NELL1: variants seen among roughly 807,000 people sequenced by gnomAD.
NELL1 encodes the protein neural EGFL like 1.
In NELL1, 76 loss-of-function variants were observed where a neutral mutation model predicts 107.4. That is an observed-to-expected ratio of 0.71 (90% CI 0.59 to 0.86). NELL1 has a LOEUF of 0.86. NELL1 is among the 40% of genes least tolerant of loss of function. The probability of loss-of-function intolerance (pLI) is 0.00; values close to 1 mark genes in which losing one functional copy is unlikely to be tolerated. For synonymous variants in NELL1, 353 were observed against 341.2 expected (o/e 1.03, Z -0.38); for missense variants, 1,024 against 1,005.5 (o/e 1.02, Z -0.25).
chr11:20,910,911 T>A (rs951141793), intron 5 of NELL1, among the ~76,000 whole-genome samples: 1 of 152,022 alleles, frequency 6.6e-6, no homozygotes, highest in African/African-American at 2.4e-5. Flanking sequence ...AACTTGCACA[T>A]AGTACATTTG....
At chr11:21,542,897 A>G (rs1168190849) in intron 16 of NELL1, among the ~76,000 whole-genome samples, 3 of 152,118 alleles carry the variant, frequency 2.0e-5, no homozygotes, top group Admixed American at 2.0e-4. Flanking sequence ...GTTCATAAAT[A>G]TCCTGGCAGT....
At chr11:20,805,496 G>A (rs1240430461) in intron 3 of NELL1, among the ~76,000 whole-genome samples, 2 of 151,950 alleles carry the variant, frequency 1.3e-5, no homozygotes, top group African/African-American at 2.4e-5. Flanking sequence ...TGCAAATAAT[G>A]TCTTATAACC....
intron 12 of NELL1, among the ~76,000 whole-genome samples, chr11:21,084,184 A>G (rs535616516): frequency 5.3e-5 from 8 of 152,188 alleles, no homozygotes; most frequent in Non-Finnish European, 1.0e-4. Flanking sequence ...GTTGCAGATA[A>G]TAGTGATGCT....
chr11:21,416,775 T>A (rs532151834), intron 15 of NELL1, among the ~76,000 whole-genome samples: 3,058 of 152,194 alleles, frequency 0.02, 40 homozygotes, highest in Non-Finnish European at 0.033. Flanking sequence ...AAGCAACTTA[T>A]GGGCAGCTTG....
At chr11:21,519,634 G>A (rs1855668344) in intron 15 of NELL1, among the ~76,000 whole-genome samples, 1 of 151,832 alleles carries the variant, frequency 6.6e-6, no homozygotes, top group Admixed American at 6.6e-5. Flanking sequence ...GAGGTGGAAG[G>A]TGTATCACTC....
intron 8 of NELL1, 152 bp downstream of exon 8, chr11:20,927,594 A>G: frequency 1.5e-6 from 1 of 677,596 alleles, no homozygotes; most frequent in Non-Finnish European, 2.4e-6. Flanking sequence ...GCAATTGTGA[A>G]GCAATGCTGG....
chr11:21,388,228 C>T (rs1851791147), intron 15 of NELL1, among the ~76,000 whole-genome samples: 1 of 151,734 alleles, frequency 6.6e-6, no homozygotes, highest in South Asian at 2.1e-4. Flanking sequence ...CAGGGCATTT[C>T]TACATCGGGG....
intron 2 of NELL1, among the ~76,000 whole-genome samples, chr11:20,730,260 G>A (rs1314708224): frequency 2.0e-5 from 3 of 152,128 alleles, no homozygotes; most frequent in South Asian, 2.1e-4. Flanking sequence ...TATTGTGCTT[G>A]TCTAAGAGAC....
chr11:21,043,004 G>A (rs1468375744), intron 12 of NELL1, among the ~76,000 whole-genome samples: 1 of 152,058 alleles, frequency 6.6e-6, no homozygotes, highest in African/African-American at 2.4e-5. Context: ...GCATCTTCTG[G>A]AATTGCAATA....
chr11:21,447,619 T>C (rs1853466718), intron 15 of NELL1, among the ~76,000 whole-genome samples: 1 of 152,090 alleles, frequency 6.6e-6, no homozygotes, highest in South Asian at 2.1e-4. Flanking sequence ...CCCTCTCCTC[T>C]CCTCTAGTAG....
At chr11:21,362,614 G>A (rs1258613151) in intron 14 of NELL1, among the ~76,000 whole-genome samples, 1 of 152,172 alleles carries the variant, frequency 6.6e-6, no homozygotes, top group Non-Finnish European at 1.5e-5. Context: ...GGAGTTGGTT[G>A]GCCTCCAGCC....
In NELL1 at chr11:20,915,468, G is replaced by A. The variant is rs546675790; in HGVS notation, c.604-2714G>A. ...TGATTCTCAGGAACTTGAAGTTTGA[G>A]AAACACTGCCAAAATGAATAATATG... On this transcript the variant is annotated intron_variant, in intron 5 of 19. Coordinates refer to ENST00000357134, the MANE Select transcript of NELL1 (RefSeq NM_006157.5). Among the ~76,000 whole-genome samples the A allele has an allele frequency of 1.1e-3, 167 of 151,300 alleles. 3 individuals are homozygous for A. Among genetic ancestry groups the A allele is most frequent in the Middle Eastern group, 3.4e-3 (1 of 294 alleles).
rs999801092 is a variant in NELL1, at chr11:21,182,333, G to T, written c.1427-46999G>T. On this transcript the variant is annotated intron_variant, in intron 13 of 19. Coordinates refer to ENST00000357134, the MANE Select transcript of NELL1 (RefSeq NM_006157.5). ...TCTGTAATCTCAGCTACTCAGAGAG[G>T]CTGAGGCAGGAGAATCACTTGATCC... 4.0e-5 allele frequency among the ~76,000 whole-genome samples: 6 copies of T among 151,584 alleles called. 1 individual carries two copies. The highest frequency in any genetic ancestry group is 1.2e-4 in the African/African-American group (5 of 40,978).
chr11:20,928,524 T>G, intron 9 of NELL1, 45 bp downstream of exon 9: 1 of 1,434,466 alleles, frequency 7.0e-7, no homozygotes, highest in Non-Finnish European at 9.8e-7. Flanking sequence ...TGTTTTGAGA[T>G]TTATTTATTT....
chr11:20,814,199 T>A (rs1350937882), intron 3 of NELL1, among the ~76,000 whole-genome samples: 1 of 152,140 alleles, frequency 6.6e-6, no homozygotes, highest in Non-Finnish European at 1.5e-5. Flanking sequence ...TTTCACCGTG[T>A]TAGCCAGGAT....
intron 2 of NELL1, among the ~76,000 whole-genome samples, chr11:20,782,774 T>C (rs1856876341): frequency 6.6e-6 from 1 of 152,210 alleles, no homozygotes; most frequent in Non-Finnish European, 1.5e-5. Flanking sequence ...CTCTGAATAA[T>C]CTTCTCTAAC....
rs543886993 is a variant in NELL1, at chr11:20,973,640, C to G, written c.1300+13080C>G. ...TCTCATAGATATATCTTGTTAATTT[C>G]TTTCCAATTTTAAGTTGGAAAAAGC... On this transcript the variant is annotated intron_variant, in intron 12 of 19. Coordinates refer to ENST00000357134, the MANE Select transcript of NELL1 (RefSeq NM_006157.5). Among the ~76,000 whole-genome samples the G allele has an allele frequency of 1.7e-4, 26 of 152,330 alleles. No individual in the cohort carries two copies. In the South Asian group the frequency reaches 5.2e-3, roughly 30 times the overall value.
At chr11:20,815,549 T>G (rs1286031513) in intron 3 of NELL1, among the ~76,000 whole-genome samples, 1 of 152,198 alleles carries the variant, frequency 6.6e-6, no homozygotes, top group Non-Finnish European at 1.5e-5. Flanking sequence ...AGATTGTAGT[T>G]ATTAGACCAT....
At chr11:21,003,294 G>T (rs559165622) in intron 12 of NELL1, among the ~76,000 whole-genome samples, 243 of 152,130 alleles carry the variant, frequency 1.6e-3, no homozygotes, top group African/African-American at 5.3e-3. Context: ...TTAGATCTCT[G>T]GTTTCTTGAC....
Sources: gnomAD v4.1 joint callset for allele counts (sites outside exome capture counted in the v4.1 genomes callset) on GRCh38, gnomAD v4.1.1 for gene constraint, MANE v1.5 for transcripts, NCBI Gene and HGNC (gene_info 2026-07-23, HGNC 2026-07-21) for gene names.